EPB41L3: variants seen among roughly 807,000 people sequenced by gnomAD.
EPB41L3 encodes erythrocyte membrane protein band 4.1 like 3.
EPB41L3 carries 57 observed loss-of-function variants against 127.1 expected under a neutral mutation model. The ratio of observed to expected loss-of-function variants is 0.45; its 90% CI spans 0.36 to 0.56. EPB41L3 has a LOEUF of 0.56. Among genes scored for constraint, EPB41L3 ranks in the 20% least tolerant of loss-of-function variants. EPB41L3 has a pLI of 0.00. For missense variants in EPB41L3, 1,273 were observed against 1,372.2 expected (o/e 0.93, Z 1.14); for synonymous variants, 572 against 549.5 (o/e 1.04, Z -0.57).
intron 3 of EPB41L3, among the ~76,000 whole-genome samples, chr18:5,457,770 C>T (rs2083341303): frequency 6.6e-6 from 1 of 152,116 alleles, no homozygotes; most frequent in Admixed American, 6.5e-5. Flanking sequence ...ACTGTACACA[C>T]ACCTCCACGC....
chr18:5,417,862 C>A (rs188349045), intron 12 of EPB41L3, among the ~76,000 whole-genome samples: 1 of 152,262 alleles, frequency 6.6e-6, no homozygotes, highest in Non-Finnish European at 1.5e-5. Flanking sequence ...AGCTGCTACA[C>A]ATTAACTTCT....
At chr18:5,536,732 A>G (rs1249445244) in intron 1 of EPB41L3, among the ~76,000 whole-genome samples, 1 of 151,566 alleles carries the variant, frequency 6.6e-6, no homozygotes, top group African/African-American at 2.4e-5. Flanking sequence ...GACTCGCTTG[A>G]ACCTGGGAGG....
At chr18:5,403,085 G>A (rs576360594) in intron 16 of EPB41L3, among the ~76,000 whole-genome samples, 1 of 152,258 alleles carries the variant, frequency 6.6e-6, no homozygotes, top group Admixed American at 6.5e-5. Context: ...AACCACTAAG[G>A]AATATAACTC....
chr18:5,533,660 G>A (rs765822526), intron 1 of EPB41L3, among the ~76,000 whole-genome samples: 4 of 152,018 alleles, frequency 2.6e-5, no homozygotes, highest in Non-Finnish European at 5.9e-5. Context: ...CTCTATTACC[G>A]ATCACAAAGC....
intron 3 of EPB41L3, chr18:5,577,429 G>A (rs1412219404): frequency 3.6e-5 from 15 of 418,820 alleles, no homozygotes; most frequent in South Asian, 8.8e-5. Flanking sequence ...TTGACTCTCC[G>A]GCTTCTATTC....
chr18:5,427,745 C>G (rs1356115970), intron 9 of EPB41L3, among the ~76,000 whole-genome samples: 1 of 152,026 alleles, frequency 6.6e-6, no homozygotes, highest in Non-Finnish European at 1.5e-5. Flanking sequence ...ATTAATGATA[C>G]TGGAATTTTT....
rs143647592 is a variant in EPB41L3, at chr18:5,488,239, C to T, written c.183+762G>A. Among the ~76,000 whole-genome samples the T allele has an allele frequency of 1.6e-3, 237 of 152,146 alleles. 3 individuals are homozygous for T. Among genetic ancestry groups the T allele is most frequent in the South Asian group, 0.01 (49 of 4,808 alleles). ...TAAGAAACCATGGAATACTATGCAGCTATAAAAAAGGATGAGTTCATGTCC... is the reference window on the plus strand; with the variant it reads ...TAAGAAACCATGGAATACTATGCAGTTATAAAAAAGGATGAGTTCATGTCC... On this transcript the variant is annotated intron_variant, in intron 2 of 22. Coordinates refer to ENST00000341928, the MANE Select transcript of EPB41L3 (RefSeq NM_012307.5).
intron 3 of EPB41L3, among the ~76,000 whole-genome samples, chr18:5,562,444 A>G (rs188644820): frequency 2.8e-4 from 43 of 152,330 alleles, no homozygotes; most frequent in Non-Finnish European, 7.3e-5. Context: ...AGCATTAGTC[A>G]TATGACTTGG....
At chr18:5,565,589 ATGTTAT>A in intron 3 of EPB41L3, among the ~76,000 whole-genome samples, 2 of 149,666 alleles carry the variant, frequency 1.3e-5, no homozygotes, top group Non-Finnish European at 3.0e-5. Context: ...ATATCTCCTA[ATGTTAT>A]TGTTATCCCT....
intron 1 of EPB41L3, among the ~76,000 whole-genome samples, chr18:5,508,550 A>G (rs2148636406): frequency 6.6e-6 from 1 of 152,030 alleles, no homozygotes; most frequent in African/African-American, 2.4e-5. Context: ...GGTGGATCAC[A>G]AGGTCAGGAG....
At chr18:5,618,371 C>A (rs761943339) in intron 1 of EPB41L3, among the ~76,000 whole-genome samples, 3 of 152,132 alleles carry the variant, frequency 2.0e-5, no homozygotes, top group Non-Finnish European at 4.4e-5. Flanking sequence ...CAATACCTCC[C>A]AAAATATGAG....
chr18:5,540,890 C>T lies in EPB41L3; in HGVS notation c.-12+3023G>A, dbSNP rs372368183. ...ACGAGGTCAGGAGATCGAGACCATC[C>T]TGGCTAACACAGTGAAACCCCTTCT... On this transcript the variant is annotated intron_variant, in intron 1 of 22. Transcript: ENST00000341928. 8.5e-5 allele frequency among the ~76,000 whole-genome samples: 13 copies of T among 152,126 alleles called. No individual in the cohort carries two copies. The East Asian group carries it at 2.3e-3, about 27-fold the overall frequency.
At chr18:5,444,538 G>A (rs1369068764) in intron 4 of EPB41L3, among the ~76,000 whole-genome samples, 2 of 152,178 alleles carry the variant, frequency 1.3e-5, no homozygotes, top group East Asian at 1.9e-4. Context: ...TAGTTGCGTG[G>A]ATTAAGGAGA....
intron 7 of EPB41L3, 66 bp downstream of exon 7, chr18:5,433,837 G>A (rs931665898): frequency 1.5e-5 from 23 of 1,520,250 alleles, no homozygotes; most frequent in Non-Finnish European, 2.0e-5. Context: ...CTGGGAAGAG[G>A]TGGGTTGTGT....
intron 3 of EPB41L3, among the ~76,000 whole-genome samples, chr18:5,606,283 C>T (rs1046040880): frequency 9.9e-5 from 15 of 152,012 alleles, no homozygotes; most frequent in South Asian, 4.1e-4. Context: ...TGGGTTATAT[C>T]GATAACATCT....
rs536402752 is a variant in EPB41L3, at chr18:5,397,625, T to C, written c.2473-199A>G. 2.0e-5 allele frequency among the ~76,000 whole-genome samples: 3 copies of C among 152,192 alleles called. No individual in the cohort carries two copies. Among genetic ancestry groups the C allele is most frequent in the Admixed American group, 1.3e-4 (2 of 15,286 alleles). On this transcript the variant is annotated intron_variant, in intron 17 of 22. Transcript: ENST00000341928. The surrounding 1 kb of genome is among the most constrained non-coding windows in gnomAD (Gnocchi z 4.1). ...CTGCCCCTGCCCCTGGTGCATGCACTTGAACCTGCGCTGCTGCTTCAGGAC... is the reference window on the plus strand; with the variant it reads ...CTGCCCCTGCCCCTGGTGCATGCACCTGAACCTGCGCTGCTGCTTCAGGAC...
intron 2 of EPB41L3, among the ~76,000 whole-genome samples, chr18:5,486,417 T>C (rs1253939419): frequency 2.6e-5 from 4 of 151,080 alleles, no homozygotes; most frequent in Non-Finnish European, 4.4e-5. Context: ...CTCCAGGAGG[T>C]TGGTCTGAGC....
At chr18:5,423,344 A>C (rs1568098681) in intron 11 of EPB41L3, 34 bp downstream of exon 11, 1 of 1,570,342 alleles carries the variant, frequency 6.4e-7, no homozygotes, top group South Asian at 1.2e-5. Context: ...TGGGGTAGGT[A>C]CTAGGTTATT....
intron 8 of EPB41L3, among the ~76,000 whole-genome samples, chr18:5,431,983 G>T (rs1480502305): frequency 2.0e-5 from 3 of 152,108 alleles, no homozygotes; most frequent in African/African-American, 7.2e-5. Flanking sequence ...AAAGAGCTTG[G>T]CATTCAACAT....
Sources: allele counts gnomAD v4.1 joint callset (sites outside exome capture counted in the v4.1 genomes callset), GRCh38; gene constraint gnomAD v4.1.1; non-coding constraint Gnocchi (gnomAD v3.1); transcripts MANE v1.5; gene names NCBI Gene and HGNC (gene_info 2026-07-23, HGNC 2026-07-21).